Variants in CCDC73 observed in about 807,000 individuals in gnomAD.
CCDC73 encodes the protein coiled-coil domain-containing protein 73.
In CCDC73, 95 loss-of-function variants were observed where a neutral mutation model predicts 116.5. The ratio of observed to expected loss-of-function variants is 0.82; its 90% confidence interval spans 0.69 to 0.97. CCDC73 has a LOEUF of 0.97. Among genes scored for constraint, CCDC73 ranks in the 50% least tolerant of loss-of-function variants. CCDC73 has a pLI of 0.00. For synonymous variants in CCDC73, 398 were observed against 401.3 expected (o/e 0.99, Z 0.10); for missense variants, 1,066 against 1,206.8 (o/e 0.88, Z 1.73).
intron 2 of CCDC73, among the ~76,000 whole-genome samples, chr11:32,755,887 ATATCTCCATATATATC>A (rs1471066361): frequency 3.6e-5 from 4 of 111,480 alleles, no homozygotes; most frequent in South Asian, 5.8e-4. Flanking sequence ...ATCTGTGTAT[ATATCTCCATATATATC>A]TATATATATC....
chr11:32,644,924 A>C (rs1283513874), intron 12 of CCDC73, among the ~76,000 whole-genome samples: 1 of 152,196 alleles, frequency 6.6e-6, no homozygotes, highest in Non-Finnish European at 1.5e-5. Flanking sequence ...TGTTGTGTGA[A>C]TCAGTAGTTG....
At chr11:32,712,897 G>A (rs1849914682) in intron 3 of CCDC73, among the ~76,000 whole-genome samples, 1 of 151,962 alleles carries the variant, frequency 6.6e-6, no homozygotes, top group Non-Finnish European at 1.5e-5. Flanking sequence ...GGATTGAACA[G>A]AGCACCTACC....
chr11:32,798,964 G>A (rs1033644862), upstream of CCDC73, among the ~76,000 whole-genome samples: 4 of 151,394 alleles, frequency 2.6e-5, no homozygotes, highest in African/African-American at 9.7e-5. Context: ...AGGCTGGAGT[G>A]CAGTGGTGCA....
intron 6 of CCDC73, among the ~76,000 whole-genome samples, chr11:32,689,107 C>A (rs545580447): frequency 6.6e-6 from 1 of 151,964 alleles, no homozygotes; most frequent in Non-Finnish European, 1.5e-5. Context: ...CCTACCAACA[C>A]AAAAAAATGT....
intron 14 of CCDC73, among the ~76,000 whole-genome samples, chr11:32,626,946 A>G (rs563818354): frequency 6.6e-6 from 1 of 152,336 alleles, no homozygotes; most frequent in East Asian, 1.9e-4. Flanking sequence ...ACCAAAAGCA[A>G]TGGCAACAAA....
intron 1 of CCDC73, among the ~76,000 whole-genome samples, chr11:32,791,311 G>A (rs905685148): frequency 1.3e-5 from 2 of 152,174 alleles, no homozygotes; most frequent in African/African-American, 4.8e-5. Flanking sequence ...TTATCTACAT[G>A]ATTATTTCCC....
chr11:32,829,055 C>G, the CCDC73 span, among the ~76,000 whole-genome samples: 1 of 152,144 alleles, frequency 6.6e-6, no homozygotes, highest in South Asian at 2.1e-4. Context: ...AGGAGGATCT[C>G]TTGAGCCCAG....
the CCDC73 span, among the ~76,000 whole-genome samples, chr11:32,813,150 A>G: frequency 6.6e-6 from 1 of 151,722 alleles, no homozygotes; most frequent in Admixed American, 6.6e-5. Flanking sequence ...CGTTTTGTGA[A>G]TTGTCTTTTC....
chr11:32,662,830 T>G (rs1480926474), intron 9 of CCDC73, among the ~76,000 whole-genome samples: 9 of 152,274 alleles, frequency 5.9e-5, no homozygotes, highest in African/African-American at 2.2e-4. Context: ...GGTCTAACAT[T>G]TAAGTCTTTA....
chr11:32,779,839 T>C (rs1046495298), intron 1 of CCDC73, among the ~76,000 whole-genome samples: 1 of 152,210 alleles, frequency 6.6e-6, no homozygotes, highest in Non-Finnish European at 1.5e-5. Flanking sequence ...GGGAAGAAGG[T>C]ATACAGGTTA....
At chr11:32,618,420 G>A (rs887235501) in intron 14 of CCDC73, among the ~76,000 whole-genome samples, 2 of 152,140 alleles carry the variant, frequency 1.3e-5, no homozygotes, top group East Asian at 1.9e-4. Context: ...GGGTCAAATT[G>A]TAGTTCTGTT....
chr11:32,829,892 G>A, the CCDC73 span: 1 of 985,510 alleles, frequency 1.0e-6, no homozygotes, highest in African/African-American at 1.7e-5. Context: ...GGTGGGGCGC[G>A]GCCAGGTGTC....
At chr11:32,760,445 TTTCC>T (rs1850382435) in intron 1 of CCDC73, among the ~76,000 whole-genome samples, 187 bp from the exon 2 acceptor site, 1 of 152,334 alleles carries the variant, frequency 6.6e-6, no homozygotes, top group Admixed American at 6.5e-5. Flanking sequence ...TATTATTCTG[TTTCC>T]CTATGGTTGA....
intron 7 of CCDC73, 56 bp from the exon 8 acceptor site, chr11:32,676,077 C>A: frequency 7.2e-7 from 1 of 1,383,710 alleles, no homozygotes; most frequent in Non-Finnish European, 9.7e-7. Context: ...CATCGCCACA[C>A]ACAACAAATA....
At chr11:32,694,890 A>G (rs1443905908) in intron 6 of CCDC73, among the ~76,000 whole-genome samples, 1 of 152,188 alleles carries the variant, frequency 6.6e-6, no homozygotes, top group African/African-American at 2.4e-5. Context: ...GTCATTCTAC[A>G]AAGTGGTGTG....
intron 17 of CCDC73, among the ~76,000 whole-genome samples, chr11:32,608,108 T>A (rs1829244992): frequency 6.6e-6 from 1 of 151,890 alleles, no homozygotes; most frequent in South Asian, 2.1e-4. Flanking sequence ...CAAGATGAGA[T>A]TTGGGTGGGG....
chr11:32,739,593 T>C (rs1436448914), intron 2 of CCDC73, among the ~76,000 whole-genome samples: 1 of 152,184 alleles, frequency 6.6e-6, no homozygotes, highest in African/African-American at 2.4e-5. Context: ...TAATAGTTTT[T>C]GGTGGAATCT....
At position 32,689,156 on chromosome 11, in the gene CCDC73, C is replaced by T. The variant is rs1856231549; in HGVS notation, c.391-5582G>A. Among the ~76,000 whole-genome samples the T allele has an allele frequency of 2.6e-5, 4 of 152,120 alleles. 1 individual carries two copies. In the South Asian group the frequency reaches 8.3e-4, roughly 32 times the overall value. On this transcript the variant is annotated intron_variant, in intron 6 of 17. Coordinates refer to ENST00000335185, the MANE Select transcript of CCDC73 (RefSeq NM_001008391.4). ...ACTGGTCCAAAACCAAAAATTATTC[C>T]ATGAGAAACAGAAAAACCTAAACTT...
At chr11:32,753,683 C>T (rs1850307804) in intron 2 of CCDC73, among the ~76,000 whole-genome samples, 1 of 152,114 alleles carries the variant, frequency 6.6e-6, no homozygotes. Context: ...CCAGGCTGGT[C>T]TCGAACTCCT....
Sources: allele counts gnomAD v4.1 joint callset (sites outside exome capture counted in the v4.1 genomes callset), GRCh38; gene constraint gnomAD v4.1.1; transcripts MANE v1.5; gene names NCBI Gene and HGNC (gene_info 2026-07-23, HGNC 2026-07-21).